The following EEFSEC variants were observed in gnomAD, a reference collection of about 807,000 sequenced individuals.
The protein encoded by EEFSEC is eukaryotic elongation factor, selenocysteine-tRNA specific, also known as selenocysteine-specific elongation factor.
A neutral mutation model predicts 42.1 loss-of-function variants in EEFSEC; 43 were observed. That is an observed-to-expected ratio of 1.02 (90% confidence interval 0.80 to 1.32). The LOEUF (loss-of-function observed/expected upper bound fraction) is 1.32, where lower values mean the gene tolerates loss of function less well. Among genes scored for constraint, EEFSEC ranks in the 40% most tolerant of loss-of-function variants. The pLI, the probability that EEFSEC is intolerant of heterozygous loss-of-function variation, is 0.00. For missense variants in EEFSEC, 745 were observed against 803.6 expected (o/e 0.93, Z 0.88); for synonymous variants, 354 against 339.1 (o/e 1.04, Z -0.48).
intron 2 of EEFSEC, among the ~76,000 whole-genome samples, chr3:128,248,253 T>A (rs1040442446): frequency 6.6e-6 from 1 of 152,238 alleles, no homozygotes; most frequent in Non-Finnish European, 1.5e-5. Flanking sequence ...GACAATATCC[T>A]GCCACTTCCA....
chr3:128,264,663 C>A lies in EEFSEC; in HGVS notation c.668C>A (p.Pro223Gln). The A allele has an allele frequency of 6.2e-7, 1 of 1,614,070 alleles. No individual in the cohort carries two copies. Among genetic ancestry groups the A allele is most frequent in the Non-Finnish European group, 8.5e-7 (1 of 1,179,980 alleles). The change falls in exon 4 of 7, where the codon CCG becomes CAG. Residue 223 changes from proline (P) to glutamine (Q), a missense_variant. Transcript: ENST00000254730. Reference sequence around the variant, plus strand: ...ATCCCAACGAGAGATCCCTCGGGACCGTTCCTCATGTCTGTGGACCACTGT... The same window carrying A: ...ATCCCAACGAGAGATCCCTCGGGACAGTTCCTCATGTCTGTGGACCACTGT... ...ISIPTRDPSG[P>Q]FLMSVDHCFS...
chr3:128,214,356 G>T (rs2065788559), intron 1 of EEFSEC, among the ~76,000 whole-genome samples: 1 of 152,212 alleles, frequency 6.6e-6, no homozygotes, highest in Admixed American at 6.5e-5. Flanking sequence ...GGTGGCCCAG[G>T]AATGATGAAC....
intron 4 of EEFSEC, among the ~76,000 whole-genome samples, chr3:128,277,662 G>A (rs2066482963): frequency 6.6e-6 from 1 of 152,160 alleles, no homozygotes; most frequent in African/African-American, 2.4e-5. Flanking sequence ...TGGATGTGTA[G>A]ATTAGGGTGA....
intron 1 of EEFSEC, among the ~76,000 whole-genome samples, chr3:128,157,728 T>G (rs1944405578): frequency 2.0e-5 from 3 of 152,244 alleles, no homozygotes. Context: ...AAAATATTAC[T>G]GATTGTTGAT....
intron 4 of EEFSEC, among the ~76,000 whole-genome samples, chr3:128,284,013 C>T (rs2066557105): frequency 6.6e-6 from 1 of 152,188 alleles, no homozygotes; most frequent in African/African-American, 2.4e-5. Flanking sequence ...CGGGTGCTGC[C>T]ATGTATCAGC....
At chr3:128,327,932 G>T (rs943253562) in intron 4 of EEFSEC, among the ~76,000 whole-genome samples, 1 of 152,162 alleles carries the variant, frequency 6.6e-6, no homozygotes. Context: ...TTGTTGGCTC[G>T]TGGGCTATGG....
chr3:128,310,442 T>G (rs989767149), intron 4 of EEFSEC, among the ~76,000 whole-genome samples: 2 of 152,196 alleles, frequency 1.3e-5, no homozygotes, highest in African/African-American at 2.4e-5. Context: ...TTGTACAAGG[T>G]CATAGCCAAG....
At chr3:128,421,895 T>C in the EEFSEC span, among the ~76,000 whole-genome samples, 5 of 152,170 alleles carry the variant, frequency 3.3e-5, no homozygotes, top group African/African-American at 1.2e-4. Context: ...TAGTGCAGCC[T>C]CTGCTCACTC....
At chr3:128,287,562 G>A (rs1044726604) in intron 4 of EEFSEC, among the ~76,000 whole-genome samples, 3 of 152,244 alleles carry the variant, frequency 2.0e-5, no homozygotes, top group African/African-American at 7.2e-5. Flanking sequence ...AGGTGGTGAT[G>A]TGATGAGCTG....
At chr3:128,190,492 G>A (rs936157362) in intron 1 of EEFSEC, among the ~76,000 whole-genome samples, 2 of 152,222 alleles carry the variant, frequency 1.3e-5, no homozygotes, top group African/African-American at 2.4e-5. Flanking sequence ...CAGCTGTACA[G>A]TGTGTTTGTG....
At chr3:128,318,435 C>T (rs538369511) in intron 4 of EEFSEC, among the ~76,000 whole-genome samples, 7 of 152,276 alleles carry the variant, frequency 4.6e-5, no homozygotes, top group East Asian at 1.9e-4. Context: ...CAGGCAGCAG[C>T]CATTAGCTCC....
At chr3:128,260,015 T>C (rs145016388) in intron 2 of EEFSEC, among the ~76,000 whole-genome samples, 1 of 152,370 alleles carries the variant, frequency 6.6e-6, no homozygotes, top group Non-Finnish European at 1.5e-5. Context: ...ATTTGTTTTC[T>C]GTTCTTTTTG....
At chr3:128,254,164 C>T (rs1453903985) in intron 2 of EEFSEC, among the ~76,000 whole-genome samples, 1 of 152,170 alleles carries the variant, frequency 6.6e-6, no homozygotes, top group Non-Finnish European at 1.5e-5. Flanking sequence ...AAGGCCAGAG[C>T]TGAAGTGGCT....
At chr3:128,196,854 G>A (rs1011299377) in intron 1 of EEFSEC, among the ~76,000 whole-genome samples, 1 of 152,236 alleles carries the variant, frequency 6.6e-6, no homozygotes, top group East Asian at 1.9e-4. Context: ...CTCGCACAGT[G>A]TGGGGCATGC....
chr3:128,264,538 C>A (rs80201448), intron 3 of EEFSEC, 79 bp from the exon 4 acceptor site: 1 of 1,508,388 alleles, frequency 6.6e-7, no homozygotes, highest in Non-Finnish European at 9.0e-7. Flanking sequence ...TGCTGGTCAG[C>A]CACATTCTCT....
At chr3:128,202,685 A>C (rs914613500) in intron 1 of EEFSEC, among the ~76,000 whole-genome samples, 2 of 152,186 alleles carry the variant, frequency 1.3e-5, no homozygotes, top group African/African-American at 2.4e-5. Flanking sequence ...AACTTCCAGT[A>C]AAATGTTGAG....
chr3:128,403,510 G>A (rs2068072389), intron 6 of EEFSEC, among the ~76,000 whole-genome samples: 1 of 152,162 alleles, frequency 6.6e-6, no homozygotes, highest in Admixed American at 6.5e-5. Context: ...CAGGCAGATG[G>A]GCAGTCGGCA....
At chr3:128,348,243 AGTGTGCATGCGTGTGTGTGTGT>A (rs1459078655) in intron 5 of EEFSEC, among the ~76,000 whole-genome samples, 1 of 119,720 alleles carries the variant, frequency 8.4e-6, no homozygotes, top group Non-Finnish European at 1.8e-5. Flanking sequence ...AGAGATACAA[AGTGTGCATGCGTGTGTGTGTGT>A]GTGTGCGTGT....
At chr3:128,264,858 C>T in intron 4 of EEFSEC, 77 bp downstream of exon 4, 1 of 1,479,254 alleles carries the variant, frequency 6.8e-7, no homozygotes, top group South Asian at 1.3e-5. Flanking sequence ...GTCTGTTCAG[C>T]TGCTGAGCCT....
Sources: allele counts gnomAD v4.1 joint callset (sites outside exome capture counted in the v4.1 genomes callset), GRCh38; gene constraint gnomAD v4.1.1; transcripts MANE v1.5; gene names NCBI Gene and HGNC (gene_info 2026-07-23, HGNC 2026-07-21).